The following NALCN variants were observed in gnomAD, a reference collection of about 807,000 sequenced individuals.
The protein encoded by NALCN is sodium leak channel NALCN.
Under a neutral mutation model 225.3 loss-of-function variants are expected in NALCN, and 111 were observed. The observed-to-expected ratio is 0.49, with a 90% confidence interval of 0.42 to 0.58. The LOEUF (loss-of-function observed/expected upper bound fraction) is 0.58. Ranked by LOEUF, NALCN falls within the 20% of genes least tolerant of loss-of-function variation. The pLI, the probability that NALCN is intolerant of heterozygous loss-of-function variation, is 0.00. For synonymous variants in NALCN, 764 were observed against 769.0 expected, an observed-to-expected ratio of 0.99 and a Z score of 0.11; for missense variants, 1,378 against 2,202.4, an observed-to-expected ratio of 0.63 and a Z score of 7.49.
chr13:101,301,010 C>T (rs2043945630), intron 7 of NALCN, among the ~76,000 whole-genome samples: 1 of 152,170 alleles, frequency 6.6e-6, no homozygotes, highest in South Asian at 2.1e-4. Context: ...TTACATATAT[C>T]TTCTAAGTTA....
intron 18 of NALCN, among the ~76,000 whole-genome samples, chr13:101,119,453 T>A (rs550154782): frequency 2.7e-4 from 41 of 152,294 alleles, no homozygotes; most frequent in African/African-American, 8.9e-4. Flanking sequence ...ATTCGAAAGG[T>A]TATAAATATA....
intron 25 of NALCN, among the ~76,000 whole-genome samples, chr13:101,103,589 C>A (rs564092332): frequency 2.6e-5 from 4 of 151,950 alleles, no homozygotes; most frequent in African/African-American, 4.8e-5. Context: ...TACACCAGTG[C>A]GTTCTGCCTC....
Position 101,055,406 on chromosome 13 carries a change from T to C in NALCN, c.5106A>G (p.Lys1702=). ...GRTTMKSVVC[K]MNPMTDAASC... ...AAGCCGCGTCAGTCATGGGGTTCAT[T>C]TTGCACACGACAGATTTCATGGTTG... The change falls in exon 44 of 44, where the codon AAA becomes AAG. Residue 1702 remains lysine, a synonymous_variant. Coordinates refer to ENST00000251127, the MANE Select transcript of NALCN (RefSeq NM_052867.4). 1 of 1,614,132 alleles carries C rather than the reference T, an allele frequency of 6.2e-7. No homozygotes were observed. The highest frequency in any genetic ancestry group is 8.5e-7 in the Non-Finnish European group (1 of 1,180,016).
At chr13:101,116,668 C>T (rs185842511) in intron 18 of NALCN, 7 of 404,996 alleles carry the variant, frequency 1.7e-5, no homozygotes, top group East Asian at 6.7e-5. Context: ...TACACAATAC[C>T]GTCTGGTATT....
At chr13:101,190,599 G>C (rs138371577) in intron 14 of NALCN, among the ~76,000 whole-genome samples, 260 of 152,306 alleles carry the variant, frequency 1.7e-3, no homozygotes, top group Middle Eastern at 6.8e-3. Context: ...TGTCTATGTA[G>C]TTCTACTGTT....
At chr13:101,368,399 A>C (rs1484667001) in intron 6 of NALCN, 1 of 151,868 alleles carries the variant, frequency 6.6e-6, no homozygotes, top group Non-Finnish European at 1.5e-5. Flanking sequence ...AATCCAGTCT[A>C]TCATTGTTGG....
chr13:101,281,809 A>G (rs2043177421), intron 10 of NALCN, among the ~76,000 whole-genome samples: 1 of 152,228 alleles, frequency 6.6e-6, no homozygotes, highest in Non-Finnish European at 1.5e-5. Flanking sequence ...AAACAAAAAC[A>G]AACACAAAAT....
chr13:101,181,406 C>A lies in NALCN; in HGVS notation c.1765-5032G>T, dbSNP rs1182334015. 11 of 498,092 alleles carry A rather than the reference C, an allele frequency of 2.2e-5. No individual in the cohort carries two copies. In the Admixed American group the frequency reaches 2.3e-4, roughly 10 times the overall value. The allele number at this position is 498,092 out of a possible 1,614,324, so 30.9% of individuals were successfully genotyped here. On this transcript the variant is annotated intron_variant, in intron 14 of 43. Transcript: ENST00000251127. ...ATTTTTCCTTTTAAAAGTTCTGGGG[C>A]TTTTTGTGTGTGTGTTTTTGTTTTT...
At chr13:101,173,249 G>A (rs541636309) in intron 15 of NALCN, among the ~76,000 whole-genome samples, 1 of 152,216 alleles carries the variant, frequency 6.6e-6, no homozygotes, top group African/African-American at 2.4e-5. Flanking sequence ...ATATGAGGAT[G>A]CCTTTGTTAT....
chr13:101,103,689 T>G (rs1465661699), intron 25 of NALCN, among the ~76,000 whole-genome samples: 1 of 152,214 alleles, frequency 6.6e-6, no homozygotes, highest in East Asian at 1.9e-4. Flanking sequence ...ATTAATGACC[T>G]GCAACATGCT....
At chr13:101,188,994 C>T (rs544314206) in intron 14 of NALCN, among the ~76,000 whole-genome samples, 21 of 152,200 alleles carry the variant, frequency 1.4e-4, no homozygotes, top group Non-Finnish European at 2.6e-4. Flanking sequence ...GCCATAAATA[C>T]TATATTTTTA....
chr13:101,316,471 T>C (rs2044557705), intron 7 of NALCN, among the ~76,000 whole-genome samples: 1 of 152,180 alleles, frequency 6.6e-6, no homozygotes, highest in Non-Finnish European at 1.5e-5. Context: ...CTAAATTACC[T>C]ATTTATTTCA....
At chr13:101,224,703 G>T (rs1389078085) in intron 13 of NALCN, among the ~76,000 whole-genome samples, 1 of 152,092 alleles carries the variant, frequency 6.6e-6, no homozygotes, top group African/African-American at 2.4e-5. Context: ...CCTGTTCAGA[G>T]ATTATTTCAC....
At chr13:101,189,318 T>C (rs1042841234) in intron 14 of NALCN, among the ~76,000 whole-genome samples, 11 of 152,156 alleles carry the variant, frequency 7.2e-5, no homozygotes, top group Admixed American at 5.2e-4. Context: ...GCATAAATGA[T>C]ACCCTAATAA....
chr13:101,101,089 A>AT (rs1161574178), intron 26 of NALCN, among the ~76,000 whole-genome samples: 2 of 152,076 alleles, frequency 1.3e-5, no homozygotes, highest in African/African-American at 2.4e-5. Context: ...CAAGCTTTGA[A>AT]TTTTTTAAAT....
chr13:101,055,494 G>GAATT lies in NALCN; in HGVS notation c.5024-10_5024-7dup, dbSNP rs569363992. ...ATGGCTTATTGGTTTTGGGGCTGTG[G>GAATT]AATTAATGAGTCCTATGAGCCACTT... On this transcript the variant is annotated splice_polypyrimidine_tract_variant and splice_region_variant and intron_variant, in intron 43 of 43. Coordinates refer to ENST00000251127, the MANE Select transcript of NALCN (RefSeq NM_052867.4). 591 of 1,612,904 alleles carry GAATT rather than the reference G, an allele frequency of 3.7e-4. No individual in the cohort carries two copies. In the African/African-American group the frequency reaches 7.4e-3, roughly 20 times the overall value.
intron 15 of NALCN, among the ~76,000 whole-genome samples, chr13:101,152,230 C>T (rs945363192): frequency 6.6e-6 from 1 of 152,158 alleles, no homozygotes; most frequent in Admixed American, 6.5e-5. Flanking sequence ...ATGTTCATAA[C>T]ATTAGCTGAT....
At chr13:101,383,514 C>G (rs2046905939) in intron 3 of NALCN, among the ~76,000 whole-genome samples, 1 of 152,122 alleles carries the variant, frequency 6.6e-6, no homozygotes, top group Admixed American at 6.5e-5. Flanking sequence ...GTTTGCAGCA[C>G]CCAGTACAGT....
chr13:101,095,800 G>C, intron 27 of NALCN, 120 bp from the exon 28 acceptor site: 1 of 781,368 alleles, frequency 1.3e-6, no homozygotes, highest in South Asian at 1.7e-5. Flanking sequence ...TCTAACAACA[G>C]TGATGTGGAC....
Sources: allele counts gnomAD v4.1 joint callset (sites outside exome capture counted in the v4.1 genomes callset), GRCh38; gene constraint gnomAD v4.1.1; transcripts MANE v1.5; gene names NCBI Gene and HGNC (gene_info 2026-07-23, HGNC 2026-07-21).